Variants in ADGRL2 observed in about 807,000 individuals in gnomAD.
The protein encoded by ADGRL2 is adhesion G protein-coupled receptor L2, also known as calcium-independent alpha-latrotoxin receptor 2.
Under a neutral mutation model 157.4 loss-of-function variants are expected in ADGRL2, and 44 were observed. The ratio of observed to expected loss-of-function variants is 0.28; its 90% CI spans 0.22 to 0.36. The LOEUF (loss-of-function observed/expected upper bound fraction) is 0.36, where lower values mean the gene tolerates loss of function less well. Ranked by LOEUF, ADGRL2 falls within the 10% of genes least tolerant of loss-of-function variation. The pLI is 1.00. For missense variants in ADGRL2, 1,510 were observed against 1,768.9 expected (o/e 0.85, Z 2.63); for synonymous variants, 585 against 624.7 (o/e 0.94, Z 0.95).
intron 1 of ADGRL2, among the ~76,000 whole-genome samples, chr1:81,742,232 C>A (rs928052651): frequency 2.0e-5 from 3 of 151,848 alleles, no homozygotes; most frequent in Admixed American, 6.6e-5. Flanking sequence ...TGCTTTAAAT[C>A]AAATCTATAA....
At chr1:81,684,173 G>A (rs933100024) in intron 3 of ADGRL2, among the ~76,000 whole-genome samples, 4 of 152,130 alleles carry the variant, frequency 2.6e-5, no homozygotes, top group Non-Finnish European at 1.5e-5. Context: ...TGAATCAAAT[G>A]GTAGTTCTAC....
chr1:81,468,607 A>G (rs1044012472), intron 2 of ADGRL2, among the ~76,000 whole-genome samples: 2 of 152,198 alleles, frequency 1.3e-5, no homozygotes, highest in African/African-American at 4.8e-5. Flanking sequence ...GAATGGAAGC[A>G]TTTCTGATAA....
chr1:81,793,356 C>G (rs552144403), intron 2 of ADGRL2, among the ~76,000 whole-genome samples: 9 of 152,034 alleles, frequency 5.9e-5, no homozygotes, highest in East Asian at 1.9e-4. Context: ...TCAGTACTTA[C>G]AAAAACCAGA....
intron 1 of ADGRL2, among the ~76,000 whole-genome samples, chr1:81,808,605 T>C (rs1001035916): frequency 9.2e-5 from 14 of 152,094 alleles, no homozygotes; most frequent in South Asian, 4.1e-4. Context: ...CAGTTGATAT[T>C]TTAGATTAGT....
chr1:81,821,844 T>G (rs2091012366), intron 1 of ADGRL2, among the ~76,000 whole-genome samples: 1 of 152,144 alleles, frequency 6.6e-6, no homozygotes, highest in African/African-American at 2.4e-5. Context: ...GTAAATGAGT[T>G]GCTGAGATTT....
intron 2 of ADGRL2, chr1:81,503,039 C>T: frequency 6.2e-7 from 1 of 1,611,806 alleles, no homozygotes; most frequent in East Asian, 2.2e-5. Context: ...GGTACTCGGA[C>T]CGCCGCACTG....
chr1:81,625,267 C>T (rs79232027), intron 3 of ADGRL2, among the ~76,000 whole-genome samples: 19,124 of 152,106 alleles, frequency 0.13, 1,664 homozygotes, highest in Non-Finnish European at 0.18. Context: ...CTCCCTCTCC[C>T]TCCTTCCCTT....
intron 1 of ADGRL2, among the ~76,000 whole-genome samples, chr1:81,717,371 T>G (rs2084155019): frequency 6.6e-6 from 1 of 152,218 alleles, no homozygotes; most frequent in Admixed American, 6.5e-5. Flanking sequence ...ATCATCATGC[T>G]TTGACTTTTC....
chr1:81,482,537 GTGA>G (rs2078412536), intron 2 of ADGRL2, among the ~76,000 whole-genome samples: 2 of 152,110 alleles, frequency 1.3e-5, no homozygotes, highest in South Asian at 4.1e-4. Context: ...GCCTGAATTA[GTGA>G]TGTATACTAA....
intron 1 of ADGRL2, among the ~76,000 whole-genome samples, chr1:81,367,612 C>T (rs11804023): frequency 0.5 from 76,251 of 151,950 alleles, 21,435 homozygotes; most frequent in East Asian, 0.72. Flanking sequence ...CAGGCTGGAG[C>T]GCAATGGCGT....
chr1:81,943,537 T>C lies in ADGRL2; in HGVS notation c.978T>C (p.Tyr326=). ...SNAFMICGVL[Y]VVRSVYQDNE... ...CTTTTATGATATGCGGAGTCCTCTA[T>C]GTGGTTAGGTCAGTTTATCAAGACA... The change falls in exon 6 of 24, where the codon TAT becomes TAC. Residue 326 remains tyrosine (Y), a synonymous_variant. Coordinates refer to ENST00000686636, the MANE Select transcript of ADGRL2 (RefSeq NM_001366006.2). The surrounding 1 kb of genome is among the most constrained non-coding windows in gnomAD (Gnocchi z 5.6). 5.0e-6 allele frequency: 8 copies of C among 1,613,726 alleles called. No individual in the cohort carries two copies. Among genetic ancestry groups the C allele is most frequent in the Non-Finnish European group, 5.9e-6 (7 of 1,179,730 alleles).
chr1:81,660,171 TAGACCC>T (rs1256444409), intron 3 of ADGRL2, among the ~76,000 whole-genome samples: 3 of 152,170 alleles, frequency 2.0e-5, no homozygotes, highest in Admixed American at 6.5e-5. Context: ...CTGTGGAAAA[TAGACCC>T]AGAGGTCTAA....
At chr1:81,418,478 G>A (rs2077069828) in intron 1 of ADGRL2, among the ~76,000 whole-genome samples, 1 of 152,206 alleles carries the variant, frequency 6.6e-6, no homozygotes, top group Middle Eastern at 3.2e-3. Context: ...CAGGCCGAGT[G>A]TGGTGGCTCA....
At chr1:81,326,327 T>C (rs1057469165) in intron 1 of ADGRL2, among the ~76,000 whole-genome samples, 9 of 152,234 alleles carry the variant, frequency 5.9e-5, no homozygotes, top group Non-Finnish European at 1.2e-4. Flanking sequence ...TCAATTTTAA[T>C]ATATCTAGAG....
At chr1:81,668,074 A>G (rs967599552) in intron 3 of ADGRL2, among the ~76,000 whole-genome samples, 1 of 152,198 alleles carries the variant, frequency 6.6e-6, no homozygotes, top group Non-Finnish European at 1.5e-5. Context: ...TTTAGTGAGA[A>G]ACTGTAGTAG....
chr1:81,588,976 G>T (rs2081079873), intron 3 of ADGRL2, among the ~76,000 whole-genome samples: 1 of 152,152 alleles, frequency 6.6e-6, no homozygotes, highest in Admixed American at 6.6e-5. Context: ...AAAACCTGAA[G>T]TTGCAGGAAT....
intron 4 of ADGRL2, among the ~76,000 whole-genome samples, chr1:81,938,117 A>G (rs1486310215): frequency 6.6e-6 from 1 of 151,744 alleles, no homozygotes; most frequent in Non-Finnish European, 1.5e-5. Context: ...TTGGAAGCCT[A>G]CTGAGTACAC....
chr1:81,957,197 C>A (rs947428973), intron 11 of ADGRL2, among the ~76,000 whole-genome samples: 28 of 131,886 alleles, frequency 2.1e-4, no homozygotes, highest in East Asian at 5.2e-4. Context: ...AAAAAAAAAA[C>A]CACTAAAATT....
At chr1:81,463,238 G>A (rs940424352) in intron 2 of ADGRL2, among the ~76,000 whole-genome samples, 1 of 151,898 alleles carries the variant, frequency 6.6e-6, no homozygotes, top group East Asian at 1.9e-4. Flanking sequence ...TCAGACAGAT[G>A]TGGGTTGGAT....
Sources: gnomAD v4.1 joint callset for allele counts (sites outside exome capture counted in the v4.1 genomes callset) on GRCh38, gnomAD v4.1.1 for gene constraint, Gnocchi (gnomAD v3.1) non-coding constraint, MANE v1.5 for transcripts, NCBI Gene and HGNC (gene_info 2026-07-23, HGNC 2026-07-21) for gene names.